Variants in RNASET2 observed in about 807,000 individuals in gnomAD.
The protein encoded by RNASET2 is ribonuclease 6.
In RNASET2, 28 loss-of-function variants were observed where a neutral mutation model predicts 33.9. The ratio of observed to expected loss-of-function variants is 0.83; its 90% CI spans 0.61 to 1.13. RNASET2 has a LOEUF of 1.13. Ranked by LOEUF, RNASET2 falls within the 50% of genes most tolerant of loss-of-function variation. RNASET2 has a pLI of 0.00. For synonymous variants in RNASET2, 123 were observed against 121.0 expected, an observed-to-expected ratio of 1.02 and a Z score of -0.11; for missense variants, 330 against 319.9, an observed-to-expected ratio of 1.03 and a Z score of -0.24.
intron 1 of RNASET2, chr6:166,955,547 C>T (rs1295269869): frequency 1.0e-6 from 1 of 987,010 alleles, no homozygotes; most frequent in Non-Finnish European, 1.2e-6. Flanking sequence ...ACTTCTTCGA[C>T]CTCTGAGAGA....
chr6:166,947,018 T>C (rs1027116307), intron 3 of RNASET2, among the ~76,000 whole-genome samples: 4 of 152,074 alleles, frequency 2.6e-5, no homozygotes, highest in African/African-American at 9.7e-5. Flanking sequence ...ATGGATAGCC[T>C]AGTAGCACCG....
In RNASET2 at chr6:166,922,528, G is replaced by A. The variant is rs969864562; in HGVS notation, c.*7060C>T. ...CAACCTGAATAGAGTCCACTCAAAT[G>A]TCTCTTCCCATGGCTGAGTCTATTC... On this transcript the variant is annotated 3_prime_UTR_variant, in exon 9 of 9. Transcript: ENST00000508775. Among the ~76,000 whole-genome samples, 6 of 152,174 alleles carry A rather than the reference G, an allele frequency of 3.9e-5. No individual in the cohort carries two copies. In the East Asian group the frequency reaches 9.6e-4, roughly 24 times the overall value.
In RNASET2 at chr6:166,922,689, CT is replaced by C. The variant is rs1778251893; in HGVS notation, c.*6898del. Among the ~76,000 whole-genome samples, 1 of 152,204 alleles carries C rather than the reference CT, an allele frequency of 6.6e-6. No homozygotes were observed. The highest frequency in any genetic ancestry group is 1.5e-5 in the Non-Finnish European group (1 of 68,038). The stretch of plus-strand genomic sequence containing the variant: ...CATGACTTTTGATGTATGTTGTTAT[CT>C]TTGGGCCACTGCTGACTATCTTTTC... On this transcript the variant is annotated 3_prime_UTR_variant, in exon 9 of 9. Transcript: ENST00000508775.
At chr6:166,938,378 G>A (rs1025515489) in intron 6 of RNASET2, among the ~76,000 whole-genome samples, 9 of 152,270 alleles carry the variant, frequency 5.9e-5, no homozygotes, top group East Asian at 1.9e-4. Flanking sequence ...GTGGGACAAC[G>A]TATTCCACTT....
At chr6:166,943,193 AATT>A in intron 4 of RNASET2, 104 bp from the exon 5 acceptor site, 2 of 769,782 alleles carry the variant, frequency 2.6e-6, no homozygotes, top group Non-Finnish European at 4.5e-6. Context: ...GAGCTCTGCT[AATT>A]AACAATACTT....
At chr6:166,949,797 G>A (rs1357532367) in intron 2 of RNASET2, among the ~76,000 whole-genome samples, 3 of 152,184 alleles carry the variant, frequency 2.0e-5, no homozygotes, top group South Asian at 4.1e-4. Flanking sequence ...GCTCTGCACA[G>A]CACTCAGTTC....
At position 166,938,975 on chromosome 6, in the gene RNASET2, G is replaced by A. The variant is rs138906295; in HGVS notation, c.366C>T (p.Ala122=). 36 of 1,613,570 alleles carry A rather than the reference G, an allele frequency of 2.2e-5. No homozygotes were observed. In the African/African-American group the frequency reaches 2.5e-4, roughly 11 times the overall value. Residue 122 remains alanine, a synonymous_variant, in exon 6 of 9, where the codon GCC becomes GCT. Transcript: ENST00000508775. ...GGGAGTTGAGCGCATCCACCTGGGC[G>A]GCGCAGGTCCCATGCTTTTCCCACT... ...KHEWEKHGTC[A]AQVDALNSQK...
chr6:166,922,786 G>A lies in RNASET2; in HGVS notation c.*6802C>T, dbSNP rs1265138298. On this transcript the variant is annotated 3_prime_UTR_variant, in exon 9 of 9. Coordinates refer to ENST00000508775, the MANE Select transcript of RNASET2 (RefSeq NM_003730.6). ...GCTGTGTTCAGTACTGGGGCAGCAC[G>A]AGCAGCCCACATCTCAGGGTGCAGT... Among the ~76,000 whole-genome samples the A allele has an allele frequency of 3.3e-5, 5 of 152,104 alleles. No individual in the cohort carries two copies. The highest frequency in any genetic ancestry group is 2.0e-4 in the Admixed American group (3 of 15,266).
At chr6:166,953,125 T>C (rs1779028065) in intron 1 of RNASET2, 1 of 189,842 alleles carries the variant, frequency 5.3e-6, no homozygotes, top group African/African-American at 2.4e-5. Flanking sequence ...GACTGTTAAC[T>C]TGAACACGGT....
chr6:166,943,512 G>T, intron 4 of RNASET2: 5 of 332,362 alleles, frequency 1.5e-5, no homozygotes, highest in South Asian at 1.2e-4. Flanking sequence ...TAAGAGACAG[G>T]AATGAGATTC....
rs779325837 is a variant in RNASET2 at position 166,934,106 on chromosome 6, G to A, written c.477C>T (p.Ser159=). ...CAAGACTTACTTGGTAGTAATTGATGGATGGTTTTATCCCCAATTTTAGAA... is the reference window on the plus strand; with the variant it reads ...CAAGACTTACTTGGTAGTAATTGATAGATGGTTTTATCCCCAATTTTAGAA... The part of the protein sequence containing the change: ...SVLLKLGIKP[S]INYYQVADFK... Residue 159 remains serine (S), a synonymous_variant, in exon 7 of 9, where the codon TCC becomes TCT. Transcript: ENST00000508775. The A allele has an allele frequency of 1.2e-6, 2 of 1,609,532 alleles. No individual in the cohort carries two copies. The highest frequency in any genetic ancestry group is 4.5e-5 in the East Asian group (2 of 44,880).
In RNASET2 at chr6:166,927,117, T is replaced by A. The variant is rs1003543557; in HGVS notation, c.*2471A>T. ...GTGGTCAGAGTTGCATCTTCCTGAG[T>A]TGAATCTGGAAAATGCACGACCTAC... is the stretch of plus-strand genomic sequence containing the variant. On this transcript the variant is annotated 3_prime_UTR_variant, in exon 9 of 9. Coordinates refer to ENST00000508775, the MANE Select transcript of RNASET2 (RefSeq NM_003730.6). Among the ~76,000 whole-genome samples, 2 of 152,172 alleles carry A rather than the reference T, an allele frequency of 1.3e-5. No homozygotes were observed. Among genetic ancestry groups the A allele is most frequent in the African/African-American group, 4.8e-5 (2 of 41,436 alleles).
rs1320463933 is a variant in RNASET2, at chr6:166,941,367, T to C, written c.332+1652A>G. The stretch of plus-strand genomic sequence containing the variant: ...AGCTAAAATCTGACAGACTCTATCA[T>C]GGAACATTGTAACAACTGGAAAAAT... On this transcript the variant is annotated intron_variant, in intron 5 of 8. Transcript: ENST00000508775. 2.0e-5 allele frequency among the ~76,000 whole-genome samples: 3 copies of C among 152,368 alleles called. No homozygotes were observed. The South Asian group carries it at 6.2e-4, about 32-fold the overall frequency.
intron 6 of RNASET2, chr6:166,938,666 A>C: frequency 1.3e-6 from 1 of 752,542 alleles, no homozygotes; most frequent in Middle Eastern, 2.3e-4. Flanking sequence ...CCAGATGGGC[A>C]TCCCAATACT....
chr6:166,953,791 G>C (rs1252344934), intron 1 of RNASET2, among the ~76,000 whole-genome samples: 1 of 151,188 alleles, frequency 6.6e-6, no homozygotes, highest in African/African-American at 2.4e-5. Flanking sequence ...GAGGCAAGAG[G>C]ATAGCTTAAG....
chr6:166,948,973 G>A (rs563602697), intron 2 of RNASET2, among the ~76,000 whole-genome samples: 102 of 152,282 alleles, frequency 6.7e-4, no homozygotes, highest in Non-Finnish European at 1.0e-3. Context: ...CCAGCACTTT[G>A]GGAGGCCAAG....
chr6:166,952,687 C>T, intron 1 of RNASET2, 139 bp from the exon 2 acceptor site: 3 of 719,122 alleles, frequency 4.2e-6, no homozygotes, highest in Admixed American at 4.1e-5. Context: ...CCTGCTGCTG[C>T]ACACACTCCC....
chr6:166,945,800 A>T (rs1193325138), intron 4 of RNASET2, among the ~76,000 whole-genome samples: 1 of 150,700 alleles, frequency 6.6e-6, no homozygotes, highest in Non-Finnish European at 1.5e-5. Context: ...ACTGCACTCC[A>T]GCCTGGGCAA....
chr6:166,943,754 A>T (rs1778755551), intron 4 of RNASET2: 3 of 470,508 alleles, frequency 6.4e-6, no homozygotes, highest in Admixed American at 4.7e-5. Context: ...GATGTTAATG[A>T]TTGGGAGAGT....
Sources: allele counts gnomAD v4.1 joint callset (sites outside exome capture counted in the v4.1 genomes callset), GRCh38; gene constraint gnomAD v4.1.1; transcripts MANE v1.5; gene names NCBI Gene and HGNC (gene_info 2026-07-23, HGNC 2026-07-21).